Variants in SPATA16 observed in about 807,000 individuals in gnomAD.
SPATA16 encodes the protein spermatogenesis-associated protein 16.
Under a neutral mutation model 63.3 loss-of-function variants are expected in SPATA16, and 36 were observed. The ratio of observed to expected loss-of-function variants is 0.57; its 90% CI spans 0.44 to 0.75. The LOEUF is 0.75. SPATA16 is among the 30% of genes least tolerant of loss of function. The pLI is 0.00. For synonymous variants in SPATA16, 203 were observed against 216.7 expected (o/e 0.94, Z 0.56); for missense variants, 646 against 679.3 (o/e 0.95, Z 0.54).
chr3:173,086,196 C>A (rs1191312373), intron 2 of SPATA16, among the ~76,000 whole-genome samples: 2 of 151,934 alleles, frequency 1.3e-5, no homozygotes, highest in African/African-American at 2.4e-5. Context: ...ACTATTACTG[C>A]CTCAATTTCA....
intron 2 of SPATA16, among the ~76,000 whole-genome samples, chr3:173,060,417 GAAAATTAT>G (rs763786454): frequency 9.9e-5 from 15 of 152,024 alleles, no homozygotes; most frequent in African/African-American, 1.4e-4. Context: ...GAGGAAAAAT[GAAAATTAT>G]AAAAAAATTA....
chr3:173,031,821 A>G (rs1321625642), intron 3 of SPATA16, among the ~76,000 whole-genome samples: 3 of 152,122 alleles, frequency 2.0e-5, no homozygotes, highest in Non-Finnish European at 2.9e-5. Context: ...AAGTTCATGC[A>G]GTCAGTTTAA....
intron 4 of SPATA16, among the ~76,000 whole-genome samples, chr3:172,997,058 A>T (rs1461457089): frequency 1.3e-5 from 2 of 152,114 alleles, no homozygotes; most frequent in African/African-American, 4.8e-5. Context: ...GGTTGCACTT[A>T]TGTGTCTGCA....
chr3:172,952,979 A>T (rs1733478122), intron 6 of SPATA16, among the ~76,000 whole-genome samples: 1 of 151,612 alleles, frequency 6.6e-6, no homozygotes, highest in Non-Finnish European at 1.5e-5. Flanking sequence ...TTTGGTAAAC[A>T]ACTAGCCAGT....
At chr3:172,937,877 A>G (rs930118978) in intron 6 of SPATA16, among the ~76,000 whole-genome samples, 16 of 152,298 alleles carry the variant, frequency 1.1e-4, no homozygotes, top group African/African-American at 3.4e-4. Flanking sequence ...ACGGGTATAC[A>G]TCATCCAGAC....
At chr3:173,068,143 A>T (rs569678292) in intron 2 of SPATA16, among the ~76,000 whole-genome samples, 2 of 152,340 alleles carry the variant, frequency 1.3e-5, no homozygotes, top group African/African-American at 4.8e-5. Flanking sequence ...ACAAGAAATC[A>T]TCTGAAGGTA....
chr3:172,987,807 A>G (rs1734489950), intron 4 of SPATA16, among the ~76,000 whole-genome samples: 1 of 152,202 alleles, frequency 6.6e-6, no homozygotes, highest in Non-Finnish European at 1.5e-5. Flanking sequence ...GAAACAGCTT[A>G]CAGAGAAAGT....
intron 2 of SPATA16, among the ~76,000 whole-genome samples, chr3:173,111,059 G>T (rs894993725): frequency 1.3e-5 from 2 of 152,226 alleles, no homozygotes; most frequent in Non-Finnish European, 2.9e-5. Context: ...AAGTCCAGAT[G>T]TGAAATCAGG....
intron 2 of SPATA16, among the ~76,000 whole-genome samples, chr3:173,061,664 G>A (rs777044885): frequency 6.6e-6 from 1 of 151,702 alleles, no homozygotes; most frequent in African/African-American, 2.4e-5. Context: ...CCTTAACAGG[G>A]TGGAAAGAAG....
At chr3:172,947,252 G>T (rs1280084505) in intron 6 of SPATA16, among the ~76,000 whole-genome samples, 2 of 152,178 alleles carry the variant, frequency 1.3e-5, no homozygotes, top group Non-Finnish European at 2.9e-5. Context: ...GTACAAACAA[G>T]CCTAGACTGC....
chr3:173,035,637 A>C (rs1054625941), intron 3 of SPATA16, among the ~76,000 whole-genome samples: 21 of 152,112 alleles, frequency 1.4e-4, no homozygotes. Flanking sequence ...CTTTTAAAGA[A>C]GACAACTATT....
chr3:173,050,263 G>A (rs1395614583), intron 2 of SPATA16, among the ~76,000 whole-genome samples: 1 of 152,066 alleles, frequency 6.6e-6, no homozygotes, highest in South Asian at 2.1e-4. Context: ...AAGACTAAAG[G>A]CTAAAAAATA....
chr3:173,108,696 C>T (rs1737677176), intron 2 of SPATA16, among the ~76,000 whole-genome samples: 1 of 152,082 alleles, frequency 6.6e-6, no homozygotes, highest in Non-Finnish European at 1.5e-5. Context: ...TGACAGTAGT[C>T]CCATCAGATT....
chr3:173,103,672 G>A (rs1470965603), intron 2 of SPATA16, among the ~76,000 whole-genome samples: 1 of 152,168 alleles, frequency 6.6e-6, no homozygotes, highest in Non-Finnish European at 1.5e-5. Context: ...TTTCCTCCAG[G>A]GCCTCAAGGC....
At chr3:173,058,790 T>C (rs551300753) in intron 2 of SPATA16, among the ~76,000 whole-genome samples, 1 of 152,166 alleles carries the variant, frequency 6.6e-6, no homozygotes, top group Admixed American at 6.5e-5. Context: ...AAATGTGTCA[T>C]TTATTATAAG....
At chr3:173,116,847 A>G (rs1002556687) in intron 2 of SPATA16, among the ~76,000 whole-genome samples, 2 of 152,238 alleles carry the variant, frequency 1.3e-5, no homozygotes, top group Non-Finnish European at 2.9e-5. Context: ...GCATTTTAAA[A>G]ATATATCACC....
At chr3:172,917,944 G>A (rs1313145362) in intron 8 of SPATA16, among the ~76,000 whole-genome samples, 1 of 152,190 alleles carries the variant, frequency 6.6e-6, no homozygotes, top group East Asian at 1.9e-4. Flanking sequence ...TGGCACCATC[G>A]TGCTGTATCT....
chr3:173,015,192 T>TG (rs1293167360), intron 4 of SPATA16, among the ~76,000 whole-genome samples: 1 of 151,898 alleles, frequency 6.6e-6, no homozygotes, highest in Non-Finnish European at 1.5e-5. Context: ...GCCTCCCAAG[T>TG]AGCTGGGATT....
rs78124323 is a variant in SPATA16, at chr3:172,968,042, T to G, written c.933+8926A>C. ...AAAACCGGTCCCTGGTACCAAAAAG[T>G]TGGGGACCACTGCAATAGCTTTTAA... On this transcript the variant is annotated intron_variant, in intron 5 of 10. Coordinates refer to ENST00000351008, the MANE Select transcript of SPATA16 (RefSeq NM_031955.6). Among the ~76,000 whole-genome samples, 486 of 152,296 alleles carry G rather than the reference T, an allele frequency of 3.2e-3. 2 individuals carry two copies. The highest frequency in any genetic ancestry group is 0.011 in the African/African-American group (475 of 41,562).
Sources: allele counts gnomAD v4.1 joint callset (sites outside exome capture counted in the v4.1 genomes callset), GRCh38; gene constraint gnomAD v4.1.1; transcripts MANE v1.5; gene names NCBI Gene and HGNC (gene_info 2026-07-23, HGNC 2026-07-21).